GNA11: variants seen among roughly 807,000 people sequenced by gnomAD.
GNA11 encodes the protein guanine nucleotide-binding protein subunit alpha-11.
Under a neutral mutation model 38.2 loss-of-function variants are expected in GNA11, and 8 were observed. The observed-to-expected ratio is 0.21, with a 90% CI of 0.12 to 0.38. GNA11 has a LOEUF of 0.38. Among genes scored for constraint, GNA11 ranks in the 10% least tolerant of loss-of-function variants. The pLI is 1.00. For synonymous variants in GNA11, 211 were observed against 221.4 expected (o/e 0.95, Z 0.42); for missense variants, 268 against 516.3 (o/e 0.52, Z 4.66).
Position 3,094,893 on chromosome 19 carries a change from C to G in GNA11, c.136+106C>G. On this transcript the variant is annotated intron_variant, in intron 1 of 6. Coordinates refer to ENST00000078429, the MANE Select transcript of GNA11 (RefSeq NM_002067.5). The surrounding 1 kb of genome is among the most constrained non-coding windows in gnomAD (Gnocchi z 6.0). ...CCTCCGGGGTCAGCCCTGCCTGTGC[C>G]GTCCGGGTCGCGAGACCCTCCGGGG... 1 of 808,144 alleles carries G rather than the reference C, an allele frequency of 1.2e-6. No individual in the cohort carries two copies. Among genetic ancestry groups the G allele is most frequent in the Non-Finnish European group, 1.7e-6 (1 of 572,998 alleles). The allele number at this position is 808,144 out of a possible 1,614,324, so 50.1% of individuals were successfully genotyped here.
At position 3,110,947 on chromosome 19, in the gene GNA11, C is replaced by G. The variant is rs2145316321; in HGVS notation, c.321+614C>G. ...GGTAGCTGGGACTGCAGGTGCATCA[C>G]CACGCCTAGCTAATTTTTGTATTTT... On this transcript the variant is annotated intron_variant, in intron 2 of 6. Coordinates refer to ENST00000078429, the MANE Select transcript of GNA11 (RefSeq NM_002067.5). The surrounding 1 kb of genome is among the most constrained non-coding windows in gnomAD (Gnocchi z 5.4). 6.6e-6 allele frequency among the ~76,000 whole-genome samples: 1 copy of G among 152,276 alleles called. No individual in the cohort carries two copies. The highest frequency in any genetic ancestry group is 6.5e-5 in the Admixed American group (1 of 15,284).
intron 4 of GNA11, chr19:3,117,119 C>T (rs1315669759): frequency 6.6e-6 from 1 of 152,270 alleles, no homozygotes; most frequent in Non-Finnish European, 1.5e-5. Flanking sequence ...TGGACATGGG[C>T]GATGGTGTAT....
At chr19:3,106,483 C>A (rs2145312036) in intron 1 of GNA11, among the ~76,000 whole-genome samples, 1 of 152,366 alleles carries the variant, frequency 6.6e-6, no homozygotes, top group South Asian at 2.1e-4. Context: ...CAGTGGCCAG[C>A]ACCTCAGGGC....
At position 3,102,536 on chromosome 19, in the gene GNA11, C is replaced by T. The variant is rs575001162; in HGVS notation, c.137-7613C>T. 1.8e-4 allele frequency among the ~76,000 whole-genome samples: 27 copies of T among 152,278 alleles called. 1 individual carries two copies. The highest frequency in any genetic ancestry group is 8.3e-4 in the South Asian group (4 of 4,820). ...GAAGAGCACGTCCTGGGCTGCCTGC[C>T]GGGGATAAGCTGCGGAGCCAGGAGA... On this transcript the variant is annotated intron_variant, in intron 1 of 6. Coordinates refer to ENST00000078429, the MANE Select transcript of GNA11 (RefSeq NM_002067.5).
chr19:3,096,998 C>T (rs1168133291), intron 1 of GNA11, among the ~76,000 whole-genome samples: 2 of 152,148 alleles, frequency 1.3e-5, no homozygotes, highest in African/African-American at 4.8e-5. Context: ...TGGAGGGCCC[C>T]TTGCTGGGAG....
At chr19:3,098,201 A>G (rs1432672335) in intron 1 of GNA11, among the ~76,000 whole-genome samples, 1 of 152,210 alleles carries the variant, frequency 6.6e-6, no homozygotes, top group Admixed American at 6.5e-5. Flanking sequence ...CCCTATGCAC[A>G]CTTCTGTCGA....
rs1456298119 is a variant in GNA11, at chr19:3,108,340, G to A, written c.137-1809G>A. ...CAGAAAGTACCGGAGGGAGAGTTGTGTTGGGGCTTGGGGGCTTTCTAGAGC... is the reference window on the plus strand; with the variant it reads ...CAGAAAGTACCGGAGGGAGAGTTGTATTGGGGCTTGGGGGCTTTCTAGAGC... On this transcript the variant is annotated intron_variant, in intron 1 of 6. Coordinates refer to ENST00000078429, the MANE Select transcript of GNA11 (RefSeq NM_002067.5). The surrounding 1 kb of genome is among the most constrained non-coding windows in gnomAD (Gnocchi z 4.5). Among the ~76,000 whole-genome samples, 1 of 152,246 alleles carries A rather than the reference G, an allele frequency of 6.6e-6. No individual in the cohort carries two copies. Among genetic ancestry groups the A allele is most frequent in the Non-Finnish European group, 1.5e-5 (1 of 68,054 alleles).
At chr19:3,106,431 T>C (rs1165520090) in intron 1 of GNA11, among the ~76,000 whole-genome samples, 1 of 152,252 alleles carries the variant, frequency 6.6e-6, no homozygotes, top group Non-Finnish European at 1.5e-5. Flanking sequence ...GCTTGAGTGC[T>C]GTCCAGAGCC....
rs574103072 is a variant in GNA11 at position 3,121,741 on chromosome 19, C to T, written c.*562C>T. 2.9e-4 allele frequency: 67 copies of T among 233,150 alleles called. No homozygotes were observed. Among genetic ancestry groups the T allele is most frequent in the African/African-American group, 1.0e-3 (47 of 45,464 alleles). The allele number at this position is 233,150 out of a possible 1,614,324, so 14.4% of individuals were successfully genotyped here. ...TAAGTTATTGACGCCCAGCGCGCCTCGCCTCTTCACCCATCAACGCTGTGC... is the reference window on the plus strand; with the variant it reads ...TAAGTTATTGACGCCCAGCGCGCCTTGCCTCTTCACCCATCAACGCTGTGC... On this transcript the variant is annotated 3_prime_UTR_variant, in exon 7 of 7. Coordinates refer to ENST00000078429, the MANE Select transcript of GNA11 (RefSeq NM_002067.5).
In GNA11 at chr19:3,113,470, C is replaced by T. The variant is rs200449144; in HGVS notation, c.462C>T (p.Ser154=). 3.1e-5 allele frequency: 49 copies of T among 1,604,848 alleles called. No individual in the cohort carries two copies. The highest frequency in any genetic ancestry group is 1.9e-4 in the South Asian group (17 of 90,120). ...CYDRRREYQL[S]DSAKYYLTDV... Reference sequence around the variant, plus strand: ...ACCGCAGGCGCGAGTACCAGCTCTCCGACTCTGCCAAGTAGTAAGTGCGGC... The same window carrying T: ...ACCGCAGGCGCGAGTACCAGCTCTCTGACTCTGCCAAGTAGTAAGTGCGGC... Residue 154 remains serine (S), a synonymous_variant, in exon 3 of 7, where the codon TCC becomes TCT. Coordinates refer to ENST00000078429, the MANE Select transcript of GNA11 (RefSeq NM_002067.5).
In GNA11 at chr19:3,113,496, C is replaced by T. The variant is rs770871639; in HGVS notation, c.476+12C>T. 1.5e-5 allele frequency: 23 copies of T among 1,560,122 alleles called. No individual in the cohort carries two copies. Among genetic ancestry groups the T allele is most frequent in the Admixed American group, 1.4e-4 (8 of 55,576 alleles). ...GACTCTGCCAAGTAGTAAGTGCGGC[C>T]GCACCGCTGGCGGCCTGGGGACGGC... On this transcript the variant is annotated intron_variant, in intron 3 of 6. Coordinates refer to ENST00000078429, the MANE Select transcript of GNA11 (RefSeq NM_002067.5).
At chr19:3,104,498 TG>T (rs1379266763) in intron 1 of GNA11, among the ~76,000 whole-genome samples, 1 of 152,062 alleles carries the variant, frequency 6.6e-6, no homozygotes, top group Non-Finnish European at 1.5e-5. Flanking sequence ...TGTGGTTGTG[TG>T]GGGGGCTCCC....
chr19:3,122,092 G>T lies in GNA11; in HGVS notation c.*913G>T, dbSNP rs1002187712. Reference sequence around the variant, plus strand: ...AGCGCACCCCACCGGAGCCCACGTGGGCTGGGCGGCTGGAGGGATGGTCCC... The same window carrying T: ...AGCGCACCCCACCGGAGCCCACGTGTGCTGGGCGGCTGGAGGGATGGTCCC... On this transcript the variant is annotated 3_prime_UTR_variant, in exon 7 of 7. Coordinates refer to ENST00000078429, the MANE Select transcript of GNA11 (RefSeq NM_002067.5). The surrounding 1 kb of genome is among the most constrained non-coding windows in gnomAD (Gnocchi z 7.7). 4.3e-6 allele frequency: 1 copy of T among 233,196 alleles called. No homozygotes were observed. The highest frequency in any genetic ancestry group is 2.2e-5 in the African/African-American group (1 of 45,306). 14.4% of individuals were successfully genotyped at this position (233,196 alleles called of 1,614,324 possible).
At chr19:3,107,224 A>G (rs1187064007) in intron 1 of GNA11, among the ~76,000 whole-genome samples, 1 of 152,200 alleles carries the variant, frequency 6.6e-6, no homozygotes, top group Admixed American at 6.5e-5. Context: ...CAACAGAGCA[A>G]GACTCCATCT....
chr19:3,103,616 C>G (rs1053971473), intron 1 of GNA11, among the ~76,000 whole-genome samples: 3 of 126,852 alleles, frequency 2.4e-5, no homozygotes, highest in African/African-American at 9.0e-5. Flanking sequence ...ACCTCTGTCT[C>G]TTGGGTTCAA....
Position 3,110,040 on chromosome 19 carries a change from T to G in GNA11, c.137-109T>G. ...GAGAGACGGTCAGCCTCACGTGCCT[T>G]GGTTTCCTGTGCTGGGTGCTGCAGC... On this transcript the variant is annotated intron_variant, in intron 1 of 6. Coordinates refer to ENST00000078429, the MANE Select transcript of GNA11 (RefSeq NM_002067.5). This position sits in a 1 kb window ranked among gnomAD's most constrained non-coding sequence, Gnocchi z 5.4. 1.2e-6 allele frequency: 1 copy of G among 815,626 alleles called. No individual in the cohort carries two copies. Among genetic ancestry groups the G allele is most frequent in the Non-Finnish European group, 1.9e-6 (1 of 517,440 alleles). 50.5% of individuals were successfully genotyped at this position (815,626 alleles called of 1,614,324 possible). A position where few individuals can be genotyped will look rare whatever the true frequency, so the allele number is the denominator to read the frequency against.
At chr19:3,107,871 G>A (rs1177954398) in intron 1 of GNA11, among the ~76,000 whole-genome samples, 1 of 152,142 alleles carries the variant, frequency 6.6e-6, no homozygotes, top group Non-Finnish European at 1.5e-5. Flanking sequence ...TTCAGGGCGC[G>A]GTGAGGGAAG....
chr19:3,099,583 C>T (rs1913453354), intron 1 of GNA11, among the ~76,000 whole-genome samples: 1 of 152,160 alleles, frequency 6.6e-6, no homozygotes, highest in Non-Finnish European at 1.5e-5. Flanking sequence ...GGGCACCTGG[C>T]AGGTCTTAGA....
intron 1 of GNA11, among the ~76,000 whole-genome samples, chr19:3,102,884 G>T (rs139798005): frequency 6.6e-6 from 1 of 152,234 alleles, no homozygotes; most frequent in Non-Finnish European, 1.5e-5. Context: ...ACAGGCACAC[G>T]CATGCACACG....
Sources: allele counts gnomAD v4.1 joint callset (sites outside exome capture counted in the v4.1 genomes callset), GRCh38; gene constraint gnomAD v4.1.1; non-coding constraint Gnocchi (gnomAD v3.1); transcripts MANE v1.5; gene names NCBI Gene and HGNC (gene_info 2026-07-23, HGNC 2026-07-21).